KDM3B: variants seen among roughly 807,000 people sequenced by gnomAD.
The protein encoded by KDM3B is lysine-specific demethylase 3B.
KDM3B carries 10 observed loss-of-function variants against 170.0 expected under a neutral mutation model. The ratio of observed to expected loss-of-function variants is 0.06; its 90% CI spans 0.04 to 0.10. The LOEUF is 0.10. KDM3B is among the 10% of genes least tolerant of loss of function. KDM3B has a pLI of 1.00. For synonymous variants in KDM3B, 831 were observed against 834.8 expected (o/e 1.00, Z 0.08); for missense variants, 1,394 against 2,195.2 (o/e 0.64, Z 7.29).
At chr5:138,402,877 T>C (rs1422257374) in intron 11 of KDM3B, among the ~76,000 whole-genome samples, 2 of 152,142 alleles carry the variant, frequency 1.3e-5, no homozygotes, top group East Asian at 3.8e-4. Context: ...GAGATGACAG[T>C]CTGAGAAGAG....
intron 2 of KDM3B, among the ~76,000 whole-genome samples, chr5:138,373,431 T>G (rs1217295100): frequency 1.3e-5 from 2 of 151,622 alleles, no homozygotes; most frequent in African/African-American, 4.8e-5. Flanking sequence ...ACCTTTAAAG[T>G]TTTTTTTTCA....
chr5:138,413,709 C>T (rs1763033623), intron 11 of KDM3B, among the ~76,000 whole-genome samples: 1 of 151,960 alleles, frequency 6.6e-6, no homozygotes, highest in South Asian at 2.1e-4. Context: ...TCTCTGCTCA[C>T]TGCAGCCTCC....
chr5:138,369,798 A>G (rs1253538757), intron 1 of KDM3B, among the ~76,000 whole-genome samples: 3 of 152,228 alleles, frequency 2.0e-5, no homozygotes, highest in Non-Finnish European at 4.4e-5. Context: ...TTGCCCAAAT[A>G]GTGCTTTATA....
Position 138,379,744 on chromosome 5 carries a change from A to G in KDM3B, c.705+36A>G, listed in dbSNP as rs1276567145. On this transcript the variant is annotated intron_variant, in intron 5 of 23. Coordinates refer to ENST00000314358, the MANE Select transcript of KDM3B (RefSeq NM_016604.4). ...GTGTTATTCTGTCTAAGGTCCATCC[A>G]TCCCCTTAAAGAGGATGGTTTAGAT... 7 of 1,589,908 alleles carry G rather than the reference A, an allele frequency of 4.4e-6. 1 individual carries two copies. Among genetic ancestry groups the G allele is most frequent in the Non-Finnish European group, 6.0e-6 (7 of 1,168,188 alleles).
At chr5:138,376,451 T>C (rs1762001205) in intron 3 of KDM3B, among the ~76,000 whole-genome samples, 1 of 151,954 alleles carries the variant, frequency 6.6e-6, no homozygotes, top group African/African-American at 2.4e-5. Flanking sequence ...ACGCCTGTAA[T>C]CTCAGCACTT....
chr5:138,391,955 G>A lies in KDM3B; in HGVS notation c.2323G>A (p.Gly775Ser), dbSNP rs755278940. 23 of 1,612,620 alleles carry A rather than the reference G, an allele frequency of 1.4e-5. No homozygotes were observed. The highest frequency in any genetic ancestry group is 1.1e-4 in the East Asian group (5 of 44,802). Residue 775 changes from glycine (G) to serine (S), a missense_variant, in exon 8 of 24, where the codon GGC becomes AGC. Physicochemically the swap from Gly to Ser is moderately conservative, Grantham distance 56. This residue lies in a region of KDM3B where 84 missense variants were observed against 135.8 expected (regional missense o/e 0.62). Transcript: ENST00000314358. This position sits in a 1 kb window ranked among gnomAD's most constrained non-coding sequence, Gnocchi z 5.0. ...TAACGTCTTTGGCAGGCACTCAGGC[G>A]GCTTTCTGTCCTCCCCGGCAGATTT... ...FSNVFGRHSG[G>S]FLSSPADFSQ...
intron 1 of KDM3B, among the ~76,000 whole-genome samples, chr5:138,363,633 G>A (rs1288778719): frequency 1.3e-5 from 2 of 151,052 alleles, no homozygotes; most frequent in Non-Finnish European, 3.0e-5. Flanking sequence ...TGCATCCTCC[G>A]CATCCCAGGT....
intron 11 of KDM3B, among the ~76,000 whole-genome samples, chr5:138,410,677 GTTAT>G (rs929363147): frequency 2.0e-5 from 3 of 152,174 alleles, no homozygotes; most frequent in African/African-American, 7.2e-5. Flanking sequence ...TGGCTGTGCT[GTTAT>G]TTATTGGATA....
chr5:138,419,668 A>AAT lies in KDM3B; in HGVS notation c.3715+456_3715+457dup, dbSNP rs767158831. Among the ~76,000 whole-genome samples, 1,086 of 109,186 alleles carry AAT rather than the reference A, an allele frequency of 9.9e-3. 43 individuals are homozygous for AAT. The highest frequency in any genetic ancestry group is 0.021 in the African/African-American group (569 of 27,042). The allele number at this position is 109,186 out of a possible 152,430, so 71.6% of individuals were successfully genotyped here. On this transcript the variant is annotated intron_variant, in intron 14 of 23. Transcript: ENST00000314358. The stretch of plus-strand genomic sequence containing the variant: ...ACTCTGTCTCAAAAAAAAAAAAAAA[A>AAT]ATATATATATATATATATATACATA...
At chr5:138,426,500 G>T (rs1763395836) in intron 17 of KDM3B, among the ~76,000 whole-genome samples, 1 of 150,876 alleles carries the variant, frequency 6.6e-6, no homozygotes, top group African/African-American at 2.4e-5. Flanking sequence ...GCATGAACCT[G>T]GGAGGCGGAG....
intron 11 of KDM3B, among the ~76,000 whole-genome samples, chr5:138,401,898 T>C (rs1762703463): frequency 6.6e-6 from 1 of 151,918 alleles, no homozygotes; most frequent in African/African-American, 2.4e-5. Flanking sequence ...TTCCATGTGC[T>C]TTTTTTTAAC....
In KDM3B at chr5:138,386,054, A is replaced by G; in HGVS notation, c.813A>G (p.Lys271=). 1 of 1,607,700 alleles carries G rather than the reference A, an allele frequency of 6.2e-7. No individual in the cohort carries two copies. Among genetic ancestry groups the G allele is most frequent in the Non-Finnish European group, 8.5e-7 (1 of 1,177,692 alleles). The change falls in exon 7 of 24, where the codon AAA becomes AAG. Residue 271 remains lysine, a synonymous_variant. Coordinates refer to ENST00000314358, the MANE Select transcript of KDM3B (RefSeq NM_016604.4). Reference sequence around the variant, plus strand: ...CGTTAAAAGCAGTAAAATCTTCCAAAGGAAAGAAGAAGAGAGAAAGCATAG... The same window carrying G: ...CGTTAAAAGCAGTAAAATCTTCCAAGGGAAAGAAGAAGAGAGAAAGCATAG... ...GGTLKAVKSS[K]GKKKRESIEG...
At chr5:138,433,940 A>T (rs1763604917) in intron 23 of KDM3B, among the ~76,000 whole-genome samples, 1 of 151,840 alleles carries the variant, frequency 6.6e-6, no homozygotes, top group Non-Finnish European at 1.5e-5. Context: ...GGGTTTCACC[A>T]TGTTGGCCAG....
chr5:138,398,638 A>G (rs1580918667), intron 10 of KDM3B, among the ~76,000 whole-genome samples: 1 of 152,062 alleles, frequency 6.6e-6, no homozygotes, highest in African/African-American at 2.4e-5. Context: ...TTTTTGTAGC[A>G]CAGCAGCCAT....
chr5:138,358,666 C>T (rs1030012089), intron 1 of KDM3B, among the ~76,000 whole-genome samples: 4 of 151,862 alleles, frequency 2.6e-5, no homozygotes, highest in Non-Finnish European at 5.9e-5. Flanking sequence ...GCAGTCATAG[C>T]TCACTGCAGC....
At chr5:138,376,312 C>G (rs958256398) in intron 3 of KDM3B, among the ~76,000 whole-genome samples, 2 of 152,154 alleles carry the variant, frequency 1.3e-5, no homozygotes, top group East Asian at 3.9e-4. Context: ...TGCTCCCTTG[C>G]AAAGTACTTT....
intron 9 of KDM3B, among the ~76,000 whole-genome samples, chr5:138,397,498 A>G (rs1052347995): frequency 3.3e-5 from 5 of 152,090 alleles, no homozygotes; most frequent in African/African-American, 1.2e-4. Context: ...ACAGAACGCA[A>G]CTTTGTCTCC....
intron 16 of KDM3B, 86 bp from the exon 17 acceptor site, chr5:138,425,325 C>T: frequency 7.8e-7 from 1 of 1,287,486 alleles, no homozygotes; most frequent in Non-Finnish European, 1.1e-6. Context: ...GGAGGCCCTC[C>T]TCAGGAAACC....
At chr5:138,435,056 C>A (rs1580968056) in intron 23 of KDM3B, among the ~76,000 whole-genome samples, 1 of 152,242 alleles carries the variant, frequency 6.6e-6, no homozygotes, top group East Asian at 1.9e-4. Flanking sequence ...CTTAATATGC[C>A]TGTTCACTTT....
Sources: allele counts gnomAD v4.1 joint callset (sites outside exome capture counted in the v4.1 genomes callset), GRCh38; gene constraint gnomAD v4.1.1; regional missense constraint gnomAD v4.1.1; non-coding constraint Gnocchi (gnomAD v3.1); transcripts MANE v1.5; gene names NCBI Gene and HGNC (gene_info 2026-07-23, HGNC 2026-07-21).